Variants in TDRD7 observed in about 807,000 individuals in gnomAD.
TDRD7 encodes tudor domain-containing protein 7.
In TDRD7, 47 loss-of-function variants were observed where a neutral mutation model predicts 109.8. That is an observed-to-expected ratio of 0.43 (90% CI 0.34 to 0.55). The LOEUF is 0.55. Ranked by LOEUF, TDRD7 falls within the 20% of genes least tolerant of loss-of-function variation. The probability of loss-of-function intolerance (pLI) is 0.03; values close to 1 mark genes in which losing one functional copy is unlikely to be tolerated. For synonymous variants in TDRD7, 424 were observed against 457.3 expected (o/e 0.93, Z 0.93); for missense variants, 1,164 against 1,319.2 (o/e 0.88, Z 1.82).
intron 6 of TDRD7, among the ~76,000 whole-genome samples, chr9:97,447,975 A>AG (rs1376503914): frequency 6.6e-6 from 1 of 152,218 alleles, no homozygotes; most frequent in African/African-American, 2.4e-5. Context: ...TCCTAGTTAA[A>AG]GGGGTGGGAG....
Position 97,472,265 on chromosome 9 carries a change from A to C in TDRD7, c.1742-28A>C, listed in dbSNP as rs142840335. On this transcript the variant is annotated intron_variant, in intron 9 of 16. Coordinates refer to ENST00000355295, the MANE Select transcript of TDRD7 (RefSeq NM_014290.3). ...CTTGAAATGATTTTTCTAATTAAGT[A>C]GAAATTAAAAGATTCAATATTTTTC... The C allele has an allele frequency of 1.4e-4, 219 of 1,589,542 alleles. No individual in the cohort carries two copies. The African/African-American group carries it at 2.8e-3, about 20-fold the overall frequency.
intron 16 of TDRD7, among the ~76,000 whole-genome samples, chr9:97,490,189 T>C (rs1014077512): frequency 7.9e-5 from 12 of 152,254 alleles, no homozygotes; most frequent in African/African-American, 2.9e-4. Context: ...TATTAATTTC[T>C]GACCTATATT....
intron 16 of TDRD7, among the ~76,000 whole-genome samples, chr9:97,491,893 G>A (rs1829314658): frequency 6.6e-6 from 1 of 152,216 alleles, no homozygotes; most frequent in African/African-American, 2.4e-5. Context: ...ACCAGGTAGT[G>A]CTTCTGGAGG....
intron 7 of TDRD7, among the ~76,000 whole-genome samples, chr9:97,463,775 A>G (rs1424322182): frequency 2.0e-5 from 3 of 152,250 alleles, no homozygotes; most frequent in African/African-American, 7.2e-5. Context: ...GAACTGGAAC[A>G]AGGTGACCAC....
rs1314071218 is a variant in TDRD7 at position 97,428,615 on chromosome 9, A to G, written c.150A>G (p.Glu50=). Reference sequence around the variant, plus strand: ...AACAGCTAGGTTTCCCTACACTAGAAGCCTATCTGAGAAGTGTGCCAGCAG... The same window carrying G: ...AACAGCTAGGTTTCCCTACACTAGAGGCCTATCTGAGAAGTGTGCCAGCAG... The part of the protein sequence containing the change: ...PFKQLGFPTL[E]AYLRSVPAVV... Residue 50 remains glutamate (E), a synonymous_variant, in exon 2 of 17, where the codon GAA becomes GAG. Transcript: ENST00000355295. 6.8e-6 allele frequency: 11 copies of G among 1,613,892 alleles called. No homozygotes were observed. The highest frequency in any genetic ancestry group is 9.3e-6 in the Non-Finnish European group (11 of 1,179,942).
At chr9:97,457,604 T>C (rs185235661) in intron 6 of TDRD7, among the ~76,000 whole-genome samples, 5 of 152,242 alleles carry the variant, frequency 3.3e-5, no homozygotes, top group Non-Finnish European at 7.4e-5. Flanking sequence ...GGTCTCGAAC[T>C]CCTGACCTCA....
In TDRD7 at chr9:97,447,991, G is replaced by A. The variant is rs536829253; in HGVS notation, c.855+6116G>A. 2.0e-5 allele frequency among the ~76,000 whole-genome samples: 3 copies of A among 152,294 alleles called. No homozygotes were observed. The East Asian group carries it at 5.8e-4, about 29-fold the overall frequency. Reference sequence around the variant, plus strand: ...CCTAGTTAAAGGGGTGGGAGTAAGCGGAAGTGTTGACCTTGAAGTACATGG... The same window carrying A: ...CCTAGTTAAAGGGGTGGGAGTAAGCAGAAGTGTTGACCTTGAAGTACATGG... On this transcript the variant is annotated intron_variant, in intron 6 of 16. Transcript: ENST00000355295.
At chr9:97,485,299 C>T (rs1829194021) in intron 15 of TDRD7, among the ~76,000 whole-genome samples, 1 of 152,176 alleles carries the variant, frequency 6.6e-6, no homozygotes, top group African/African-American at 2.4e-5. Flanking sequence ...AGGTGGAGCT[C>T]CAGAATCTGT....
intron 8 of TDRD7, among the ~76,000 whole-genome samples, chr9:97,468,902 A>G (rs2131159804): frequency 6.6e-6 from 1 of 152,264 alleles, no homozygotes; most frequent in African/African-American, 2.4e-5. Context: ...CAAAGGACAC[A>G]GAGCAGAGTG....
chr9:97,453,999 T>C (rs946358462), intron 6 of TDRD7, among the ~76,000 whole-genome samples: 2 of 152,066 alleles, frequency 1.3e-5, no homozygotes, highest in South Asian at 4.1e-4. Flanking sequence ...AGACAGAAAA[T>C]TAACAATGAT....
chr9:97,488,572 T>TG (rs901551285), intron 16 of TDRD7, among the ~76,000 whole-genome samples: 23 of 150,354 alleles, frequency 1.5e-4, no homozygotes, highest in East Asian at 5.9e-4. Flanking sequence ...TTTTTTTTTT[T>TG]TTTTTTTGTT....
chr9:97,428,125 G>A (rs1828032997), intron 1 of TDRD7, among the ~76,000 whole-genome samples: 1 of 152,018 alleles, frequency 6.6e-6, no homozygotes, highest in Non-Finnish European at 1.5e-5. Flanking sequence ...CCTTCCTTGG[G>A]CTGATACCAC....
intron 16 of TDRD7, among the ~76,000 whole-genome samples, chr9:97,494,920 AG>A (rs1379181501): frequency 1.3e-5 from 2 of 152,036 alleles, no homozygotes; most frequent in African/African-American, 4.8e-5. Flanking sequence ...TATGTTGCCC[AG>A]GCTGGTCTCG....
At chr9:97,475,238 C>T in intron 11 of TDRD7, 145 bp from the exon 12 acceptor site, 1 of 713,710 alleles carries the variant, frequency 1.4e-6, no homozygotes. Flanking sequence ...GTTTTATAAC[C>T]CTGTGTGTTT....
intron 12 of TDRD7, among the ~76,000 whole-genome samples, chr9:97,476,008 T>C (rs1829011829): frequency 6.6e-6 from 1 of 152,214 alleles, no homozygotes; most frequent in African/African-American, 2.4e-5. Flanking sequence ...ATCTTCCTGA[T>C]GATGGATATT....
intron 3 of TDRD7, 123 bp downstream of exon 3, chr9:97,431,197 G>A: frequency 7.1e-7 from 1 of 1,416,940 alleles, no homozygotes; most frequent in South Asian, 1.2e-5. Flanking sequence ...ATATGTCAGG[G>A]GAAAGATCCT....
chr9:97,490,325 A>G (rs1829280729), intron 16 of TDRD7, among the ~76,000 whole-genome samples: 1 of 152,090 alleles, frequency 6.6e-6, no homozygotes, highest in African/African-American at 2.4e-5. Context: ...ATAATTTCAT[A>G]AGGTACAGAA....
chr9:97,416,747 A>G (rs1215969674), intron 1 of TDRD7, among the ~76,000 whole-genome samples: 2 of 152,064 alleles, frequency 1.3e-5, no homozygotes, highest in African/African-American at 4.8e-5. Context: ...TAGCTCACCT[A>G]TGTTATGCTG....
intron 16 of TDRD7, among the ~76,000 whole-genome samples, chr9:97,491,139 A>G (rs143806814): frequency 0.033 from 5,093 of 152,184 alleles, 148 homozygotes; most frequent in East Asian, 0.14. Flanking sequence ...ACTGGTCTCG[A>G]ACTCCTGACT....
Sources: gnomAD v4.1 joint callset for allele counts (sites outside exome capture counted in the v4.1 genomes callset) on GRCh38, gnomAD v4.1.1 for gene constraint, MANE v1.5 for transcripts, NCBI Gene and HGNC (gene_info 2026-07-23, HGNC 2026-07-21) for gene names.